The following HYCC2 variants were observed in gnomAD, a reference collection of about 807,000 sequenced individuals.
The protein encoded by HYCC2 is hyccin PI4KA lipid kinase complex subunit 2, also known as hyccin 2.
At chr2:201,045,712 T>C in the HYCC2 span, 48 of 389,478 alleles carry the variant, frequency 1.2e-4, no homozygotes, top group Admixed American at 3.5e-4. Flanking sequence ...GAAATAATTA[T>C]AGATCCAAAA....
the HYCC2 span, among the ~76,000 whole-genome samples, chr2:201,054,947 G>A: frequency 1.3e-5 from 2 of 152,106 alleles, no homozygotes; most frequent in Admixed American, 6.6e-5. Flanking sequence ...TTACAGGCAT[G>A]AGCCACTGTA....
At chr2:200,987,981 T>TA in the HYCC2 span, among the ~76,000 whole-genome samples, 1 of 152,188 alleles carries the variant, frequency 6.6e-6, no homozygotes, top group Admixed American at 6.5e-5. Context: ...GTAACAAGGT[T>TA]AAAGCAACTT....
chr2:200,981,221 A>G, the HYCC2 span: 10 of 1,578,100 alleles, frequency 6.3e-6, no homozygotes, highest in East Asian at 2.2e-4. This position sits in a 1 kb window ranked among gnomAD's most constrained non-coding sequence, Gnocchi z 4.5. Context: ...TTGCACAATG[A>G]AATGTTCAGT....
At chr2:200,983,464 G>A in the HYCC2 span, among the ~76,000 whole-genome samples, 1 of 152,012 alleles carries the variant, frequency 6.6e-6, no homozygotes, top group Admixed American at 6.6e-5. Context: ...TCCTTCTAAA[G>A]AATGAAATAA....
chr2:200,973,759 A>C, the HYCC2 span: 4 of 152,174 alleles, frequency 2.6e-5, no homozygotes, highest in African/African-American at 9.6e-5. Context: ...TATACTGTAC[A>C]AAAAAATTTA....
At chr2:201,043,432 T>TAAA in the HYCC2 span, among the ~76,000 whole-genome samples, 9 of 74,904 alleles carry the variant, frequency 1.2e-4, no homozygotes, top group African/African-American at 2.8e-4. Context: ...CAATAAATAC[T>TAAA]AAAAAAAAAA....
chr2:201,042,793 C>G, the HYCC2 span, among the ~76,000 whole-genome samples: 1 of 151,072 alleles, frequency 6.6e-6, no homozygotes, highest in South Asian at 2.1e-4. Flanking sequence ...GCGCCTCTGC[C>G]CAGCCACCCA....
At chr2:201,050,599 G>GAA in the HYCC2 span, among the ~76,000 whole-genome samples, 1 of 71,596 alleles carries the variant, frequency 1.4e-5, no homozygotes, top group Non-Finnish European at 3.0e-5. Flanking sequence ...CTCAAAAAAA[G>GAA]AAAAAAAAAA....
At chr2:201,017,224 T>C in the HYCC2 span, 1 of 1,415,800 alleles carries the variant, frequency 7.1e-7, no homozygotes, top group African/African-American at 1.5e-5. Flanking sequence ...TTGTAACTGT[T>C]GTTTTTTTTT....
the HYCC2 span, among the ~76,000 whole-genome samples, chr2:201,008,718 G>T: frequency 6.6e-6 from 1 of 151,906 alleles, no homozygotes; most frequent in African/African-American, 2.4e-5. Flanking sequence ...AACATAGCAA[G>T]ACCTTTTCTC....
chr2:201,025,821 G>A, the HYCC2 span, among the ~76,000 whole-genome samples: 3 of 152,138 alleles, frequency 2.0e-5, no homozygotes, highest in Non-Finnish European at 4.4e-5. Context: ...CACTTTGGGA[G>A]GCTGAGGTAA....
the HYCC2 span, among the ~76,000 whole-genome samples, chr2:201,012,856 A>T: frequency 6.6e-6 from 1 of 151,302 alleles, no homozygotes. Flanking sequence ...GAGGCAGGAG[A>T]ATTGCTCGAA....
At chr2:201,060,199 C>T in the HYCC2 span, among the ~76,000 whole-genome samples, 1 of 152,084 alleles carries the variant, frequency 6.6e-6, no homozygotes, top group African/African-American at 2.4e-5. Flanking sequence ...AGCTTAACAG[C>T]ACTACTAGGC....
At chr2:201,063,740 C>T in the HYCC2 span, 1 of 1,585,618 alleles carries the variant, frequency 6.3e-7, no homozygotes, top group South Asian at 1.1e-5. Flanking sequence ...CAACTTTGGT[C>T]ATGGAAGAAA....
the HYCC2 span, chr2:200,981,881 C>T: frequency 1.3e-6 from 2 of 1,585,032 alleles, no homozygotes; most frequent in Non-Finnish European, 1.7e-6. The surrounding 1 kb of genome is among the most constrained non-coding windows in gnomAD (Gnocchi z 4.5). Context: ...CCTAAGAAAA[C>T]AAATCAGACA....
At chr2:201,003,733 A>G in the HYCC2 span, among the ~76,000 whole-genome samples, 11 of 150,166 alleles carry the variant, frequency 7.3e-5, no homozygotes, top group African/African-American at 2.4e-4. Context: ...AAGTGAAAAC[A>G]TATCAGCTTA....
the HYCC2 span, among the ~76,000 whole-genome samples, chr2:201,041,940 T>TCCCC: frequency 6.6e-6 from 1 of 152,088 alleles, no homozygotes; most frequent in Non-Finnish European, 1.5e-5. Context: ...GAATAGTCTC[T>TCCCC]CTCCCCCTCC....
chr2:201,013,479 CAAAAA>C, the HYCC2 span, among the ~76,000 whole-genome samples: 1 of 66,314 alleles, frequency 1.5e-5, no homozygotes, highest in Non-Finnish European at 3.3e-5. Flanking sequence ...CACTCCATTT[CAAAAA>C]AAAAAAAAAA....
the HYCC2 span, among the ~76,000 whole-genome samples, chr2:201,059,876 T>A: frequency 8.1e-3 from 1,227 of 152,062 alleles, 21 homozygotes; most frequent in African/African-American, 0.028. Flanking sequence ...TGAAACCCCG[T>A]CTCTACTAAA....
Sources: allele counts gnomAD v4.1 joint callset (sites outside exome capture counted in the v4.1 genomes callset), GRCh38; gene constraint gnomAD v4.1.1; non-coding constraint Gnocchi (gnomAD v3.1); transcripts MANE v1.5; gene names NCBI Gene and HGNC (gene_info 2026-07-23, HGNC 2026-07-21).